The following SLC22A16 variants were observed in gnomAD, a reference collection of about 807,000 sequenced individuals.
SLC22A16 encodes solute carrier family 22 member 16.
A neutral mutation model predicts 52.9 loss-of-function variants in SLC22A16; 53 were observed. The ratio of observed to expected loss-of-function variants is 1.00; its 90% confidence interval spans 0.80 to 1.26. The LOEUF is 1.26. SLC22A16 is among the 50% of genes most tolerant of loss of function. SLC22A16 has a pLI of 0.00. For synonymous variants in SLC22A16, 291 were observed against 268.8 expected (o/e 1.08, Z -0.81); for missense variants, 726 against 704.0 (o/e 1.03, Z -0.35).
At chr6:110,472,539 C>T (rs1226326685) in intron 1 of SLC22A16, among the ~76,000 whole-genome samples, 1 of 152,170 alleles carries the variant, frequency 6.6e-6, no homozygotes, top group East Asian at 1.9e-4. Context: ...CCAATCAAGC[C>T]ATGCTAGTTC....
At chr6:110,472,376 G>A (rs559832140) in intron 1 of SLC22A16, among the ~76,000 whole-genome samples, 1 of 151,704 alleles carries the variant, frequency 6.6e-6, no homozygotes, top group Non-Finnish European at 1.5e-5. Context: ...TGCCCCACTC[G>A]CTGCCCCTCC....
At chr6:110,457,483 G>A (rs768118430) in intron 1 of SLC22A16, among the ~76,000 whole-genome samples, 4 of 152,196 alleles carry the variant, frequency 2.6e-5, no homozygotes, top group African/African-American at 7.2e-5. Flanking sequence ...CCCAGGTGCC[G>A]AGGCAAGAGA....
chr6:110,476,116 G>C (rs544393794), intron 1 of SLC22A16: 8 of 409,436 alleles, frequency 2.0e-5, no homozygotes, highest in African/African-American at 1.0e-4. Flanking sequence ...GGCAGAACTG[G>C]GCAGCAGCCG....
chr6:110,442,548 A>G lies in SLC22A16; in HGVS notation c.879T>C (p.Phe293=), dbSNP rs1338714022. 3.7e-6 allele frequency: 6 copies of G among 1,614,214 alleles called. No individual in the cohort carries two copies. The highest frequency in any genetic ancestry group is 8.5e-7 in the Non-Finnish European group (1 of 1,180,042). ...CATATCGTCCCTCTGAGAGAAGCCAAAAAGGTGTCTCTGGGAGCACCCAAC... is the reference window on the plus strand; with the variant it reads ...CATATCGTCCCTCTGAGAGAAGCCAGAAAGGTGTCTCTGGGAGCACCCAAC... ...LCCWVLPETP[F]WLLSEGRYEE... Residue 293 remains phenylalanine (F), a synonymous_variant, in exon 4 of 8, where the codon TTT becomes TTC. Coordinates refer to ENST00000368919, the MANE Select transcript of SLC22A16 (RefSeq NM_033125.4).
chr6:110,470,644 T>C (rs1297187991), intron 1 of SLC22A16, among the ~76,000 whole-genome samples: 2 of 152,096 alleles, frequency 1.3e-5, no homozygotes, highest in African/African-American at 4.8e-5. Context: ...CTATTCTCTC[T>C]CTCTCTTCCC....
intron 3 of SLC22A16, among the ~76,000 whole-genome samples, chr6:110,443,274 A>G (rs1775046496): frequency 6.6e-6 from 1 of 152,254 alleles, no homozygotes; most frequent in Non-Finnish European, 1.5e-5. Flanking sequence ...AAAGAACACT[A>G]TCAATGGAGG....
intron 1 of SLC22A16, 33 bp downstream of exon 1, chr6:110,476,489 C>A (rs1249859171): frequency 1.4e-6 from 2 of 1,410,772 alleles, no homozygotes; most frequent in Non-Finnish European, 1.9e-6. Flanking sequence ...GGCGCCGCCT[C>A]CCGCGTGGCG....
intron 1 of SLC22A16, among the ~76,000 whole-genome samples, chr6:110,457,332 A>C (rs1033173971): frequency 6.6e-6 from 1 of 152,178 alleles, no homozygotes; most frequent in Admixed American, 6.5e-5. Context: ...CAGGAAAAGA[A>C]GAATACAAAA....
At chr6:110,466,171 A>T (rs1348063651) in intron 1 of SLC22A16, among the ~76,000 whole-genome samples, 1 of 152,192 alleles carries the variant, frequency 6.6e-6, no homozygotes, top group East Asian at 1.9e-4. Context: ...GTAAGACCTG[A>T]CACTCAAAAA....
intron 1 of SLC22A16, among the ~76,000 whole-genome samples, chr6:110,460,485 G>T (rs1582577531): frequency 6.6e-6 from 1 of 151,838 alleles, no homozygotes; most frequent in Non-Finnish European, 1.5e-5. Flanking sequence ...GTGGATAGGG[G>T]TGCATCCCTT....
chr6:110,463,514 T>TAAAAAAAAGAAAAA (rs1775960566), intron 1 of SLC22A16, among the ~76,000 whole-genome samples: 1 of 53,270 alleles, frequency 1.9e-5, no homozygotes. Context: ...GTAACAACAG[T>TAAAAAAAAGAAAAA]AAAAAAAAAA....
intron 1 of SLC22A16, among the ~76,000 whole-genome samples, chr6:110,466,988 A>T (rs1249020708): frequency 2.6e-5 from 4 of 151,780 alleles, no homozygotes; most frequent in African/African-American, 9.7e-5. Context: ...ATTCAATCTG[A>T]TGAGTTATTA....
chr6:110,458,842 G>A (rs1775764635), intron 1 of SLC22A16, among the ~76,000 whole-genome samples: 1 of 152,128 alleles, frequency 6.6e-6, no homozygotes, highest in Non-Finnish European at 1.5e-5. Context: ...TGGGTTTTTG[G>A]AATTAGATGA....
In SLC22A16 at chr6:110,439,223, G is replaced by T. The variant is rs1337795852; in HGVS notation, c.1184-376C>A. Reference sequence around the variant, plus strand: ...AGAGTACAAGTGAAAAATCCAAAACGGTAGATAATATAAAACCATGTGTGT... The same window carrying T: ...AGAGTACAAGTGAAAAATCCAAAACTGTAGATAATATAAAACCATGTGTGT... On this transcript the variant is annotated intron_variant, in intron 4 of 7. Coordinates refer to ENST00000368919, the MANE Select transcript of SLC22A16 (RefSeq NM_033125.4). 2.0e-5 allele frequency among the ~76,000 whole-genome samples: 3 copies of T among 152,116 alleles called. No homozygotes were observed. The East Asian group carries it at 5.8e-4, about 29-fold the overall frequency.
chr6:110,427,417 G>C (rs564858257), intron 7 of SLC22A16, among the ~76,000 whole-genome samples: 51 of 152,180 alleles, frequency 3.4e-4, no homozygotes, highest in African/African-American at 1.2e-3. Flanking sequence ...TCTGTAAAAT[G>C]GATGAAAGAA....
rs1290169244 is a variant in SLC22A16 at position 110,476,528 on chromosome 6, A to G, written c.47T>C (p.Phe16Ser). 5 of 1,430,688 alleles carry G rather than the reference A, an allele frequency of 3.5e-6. No homozygotes were observed. The highest frequency in any genetic ancestry group is 3.7e-6 in the Non-Finnish European group (4 of 1,085,752). 88.6% of individuals were successfully genotyped at this position (1,430,688 alleles called of 1,614,324 possible). The change falls in exon 1 of 8, where the codon TTC becomes TCC. Residue 16 changes from phenylalanine (F) to serine (S), a missense_variant. Phe to Ser is a radical substitution (Grantham distance 155). Coordinates refer to ENST00000368919, the MANE Select transcript of SLC22A16 (RefSeq NM_033125.4). ...FEGIYDHVGH[F>S]GRFQRVLYFI... Reference sequence around the variant, plus strand: ...CGGGGCCCCTCCCCCATACCTGCCGAAGTGCCCCACGTGGTCATAAATCCC... The same window carrying G: ...CGGGGCCCCTCCCCCATACCTGCCGGAGTGCCCCACGTGGTCATAAATCCC...
intron 6 of SLC22A16, among the ~76,000 whole-genome samples, chr6:110,435,388 G>C (rs1774682702): frequency 6.6e-6 from 1 of 152,152 alleles, no homozygotes; most frequent in African/African-American, 2.4e-5. Context: ...GAAGACCACA[G>C]AGCGAGGCCT....
At chr6:110,434,127 C>G (rs548870543) in intron 6 of SLC22A16, among the ~76,000 whole-genome samples, 18 of 152,198 alleles carry the variant, frequency 1.2e-4, no homozygotes, top group Non-Finnish European at 1.9e-4. Context: ...GCAATCCCAG[C>G]TACTCAGGAG....
chr6:110,430,384 A>T (rs910399), intron 7 of SLC22A16, among the ~76,000 whole-genome samples: 5 of 151,196 alleles, frequency 3.3e-5, no homozygotes, highest in Non-Finnish European at 5.9e-5. Context: ...GCCTGAAGCC[A>T]GGATGAGAGG....
Sources: gnomAD v4.1 joint callset for allele counts (sites outside exome capture counted in the v4.1 genomes callset) on GRCh38, gnomAD v4.1.1 for gene constraint, MANE v1.5 for transcripts, NCBI Gene and HGNC (gene_info 2026-07-23, HGNC 2026-07-21) for gene names.